KYAT1: variants seen among roughly 807,000 people sequenced by gnomAD.
KYAT1 encodes kynurenine--oxoglutarate transaminase 1.
KYAT1 carries 47 observed loss-of-function variants against 52.4 expected under a neutral mutation model. The observed-to-expected ratio is 0.90, with a 90% CI of 0.71 to 1.14. KYAT1 has a LOEUF of 1.14. KYAT1 is among the 50% of genes most tolerant of loss of function. The probability of loss-of-function intolerance (pLI) is 0.00; values close to 1 mark genes in which losing one functional copy is unlikely to be tolerated. For synonymous variants in KYAT1, 212 were observed against 209.6 expected, an observed-to-expected ratio of 1.01 and a Z score of -0.10; for missense variants, 480 against 557.9, an observed-to-expected ratio of 0.86 and a Z score of 1.41.
At chr9:128,840,772 CCTCAAACTCCTGGG>C in intron 3 of KYAT1, 1 of 332,928 alleles carries the variant, frequency 3.0e-6, no homozygotes, top group Non-Finnish European at 6.0e-6. Flanking sequence ...GTTGCACTGG[CCTCAAACTCCTGGG>C]CTCAAACAAT....
chr9:128,835,779 C>T lies in KYAT1; in HGVS notation c.855G>A (p.Gln285=), dbSNP rs764604643. Residue 285 remains glutamine (Q), a splice_region_variant and synonymous_variant, in exon 9 of 13, where the codon CAG becomes CAA. Coordinates refer to ENST00000302586, the MANE Select transcript of KYAT1 (RefSeq NM_004059.5). The part of the protein sequence containing the change: ...NSVFHCPTQS[Q]AAVAESFERE... ...CCCGTGACGTCCTGCCCCTCTTCAC[C>T]TGGCTCTGCGTGGGGCAGTGGAAGA... 6.2e-7 allele frequency: 1 copy of T among 1,612,374 alleles called. No individual in the cohort carries two copies. Among genetic ancestry groups the T allele is most frequent in the East Asian group, 2.2e-5 (1 of 44,826 alleles).
chr9:128,846,766 G>A, intron 1 of KYAT1: 4 of 1,535,602 alleles, frequency 2.6e-6, no homozygotes, highest in Non-Finnish European at 3.5e-6. Context: ...GGGCTTTGTG[G>A]TCCCTGAGGA....
chr9:128,845,278 G>A, intron 2 of KYAT1, 75 bp downstream of exon 2: 1 of 1,199,570 alleles, frequency 8.3e-7, no homozygotes, highest in East Asian at 2.3e-5. Context: ...GTACTACTGA[G>A]TTGCTGTAAA....
chr9:128,863,073 C>T lies in KYAT1; in HGVS notation c.-6-17662G>A, dbSNP rs575864115. On this transcript the variant is annotated intron_variant, in intron 1 of 12. Transcript: ENST00000302586. ...TGAACTCCTGACCTCATGATCCGCC[C>T]GCCTCGGCCTCCCAAAGTGCTGAGA... 5.9e-5 allele frequency among the ~76,000 whole-genome samples: 9 copies of T among 151,858 alleles called. No homozygotes were observed. The South Asian group carries it at 6.2e-4, about 11-fold the overall frequency.
intron 1 of KYAT1, among the ~76,000 whole-genome samples, chr9:128,861,621 T>C (rs1327632683): frequency 3.9e-5 from 6 of 152,166 alleles, no homozygotes; most frequent in Admixed American, 6.5e-5. Flanking sequence ...AGGCCTGAAG[T>C]ATGTACTCTG....
chr9:128,857,738 A>G (rs963149815), intron 1 of KYAT1, among the ~76,000 whole-genome samples: 2 of 152,228 alleles, frequency 1.3e-5, no homozygotes, highest in Non-Finnish European at 2.9e-5. Flanking sequence ...CTGGAGGCTG[A>G]GGCAGGAGAA....
chr9:128,875,017 G>T (rs1340562301), intron 1 of KYAT1, among the ~76,000 whole-genome samples: 1 of 151,982 alleles, frequency 6.6e-6, no homozygotes, highest in Non-Finnish European at 1.5e-5. Context: ...GAGCCACTGC[G>T]CTCAGCCCAG....
At chr9:128,871,634 C>T (rs1026637855) in intron 1 of KYAT1, among the ~76,000 whole-genome samples, 4 of 152,010 alleles carry the variant, frequency 2.6e-5, no homozygotes, top group African/African-American at 9.7e-5. Context: ...ATTGCTTGAG[C>T]CCAGGCAGTC....
intron 1 of KYAT1, among the ~76,000 whole-genome samples, chr9:128,864,100 C>A (rs1835843405): frequency 6.6e-6 from 1 of 152,096 alleles, no homozygotes; most frequent in Non-Finnish European, 1.5e-5. Flanking sequence ...CGGTGGCTCA[C>A]ACCTGTAATC....
rs779051783 is a variant in KYAT1 at position 128,837,671 on chromosome 9, G to A, written c.567+14C>T. 1.5e-5 allele frequency: 25 copies of A among 1,613,942 alleles called. No homozygotes were observed. The Admixed American group carries it at 3.8e-4, about 25-fold the overall frequency. On this transcript the variant is annotated intron_variant, in intron 6 of 12. Transcript: ENST00000302586. The stretch of plus-strand genomic sequence containing the variant: ...AGGTCCGCAGGGGGCCAGGGAAGGA[G>A]GTCCCTCCAGTACCTTGCCCAGGGG...
chr9:128,843,450 C>G (rs1832567883), intron 2 of KYAT1, among the ~76,000 whole-genome samples: 1 of 150,780 alleles, frequency 6.6e-6, no homozygotes, highest in Non-Finnish European at 1.5e-5. Flanking sequence ...GCAATCTCAA[C>G]TCACTGCAAC....
intron 1 of KYAT1, among the ~76,000 whole-genome samples, chr9:128,849,217 G>A (rs1226028584): frequency 6.6e-6 from 1 of 151,004 alleles, no homozygotes; most frequent in Non-Finnish European, 1.5e-5. Context: ...TTCGATACCA[G>A]CCTGGTCAAC....
chr9:128,835,960 T>G, intron 8 of KYAT1, 37 bp downstream of exon 8: 1 of 1,603,654 alleles, frequency 6.2e-7, no homozygotes, highest in Non-Finnish European at 8.5e-7. Flanking sequence ...CCAAGGATCT[T>G]GCAGGGGGTG....
In KYAT1 at chr9:128,837,674, C is replaced by G. The variant is rs1323309354; in HGVS notation, c.567+11G>C. On this transcript the variant is annotated intron_variant, in intron 6 of 12. Transcript: ENST00000302586. ...TCCGCAGGGGGCCAGGGAAGGAGGT[C>G]CCTCCAGTACCTTGCCCAGGGGGTT... 2.5e-6 allele frequency: 4 copies of G among 1,613,878 alleles called. No individual in the cohort carries two copies. The highest frequency in any genetic ancestry group is 2.5e-6 in the Non-Finnish European group (3 of 1,179,926).
chr9:128,846,467 C>T (rs1435220669), intron 1 of KYAT1, among the ~76,000 whole-genome samples: 1 of 151,832 alleles, frequency 6.6e-6, no homozygotes, highest in African/African-American at 2.4e-5. Context: ...GGCGTCATGA[C>T]ACATGCCTGT....
chr9:128,851,684 T>C (rs1833972739), intron 1 of KYAT1, among the ~76,000 whole-genome samples: 1 of 152,210 alleles, frequency 6.6e-6, no homozygotes. Context: ...TTTCAGTTTC[T>C]GATGCCCCTG....
rs147177988 is a variant in KYAT1, at chr9:128,874,872, G to A, written c.-7+7025C>T. Among the ~76,000 whole-genome samples, 145 of 151,796 alleles carry A rather than the reference G, an allele frequency of 9.6e-4. 1 individual carries two copies. Among genetic ancestry groups the A allele is most frequent in the Middle Eastern group, 6.8e-3 (2 of 294 alleles). On this transcript the variant is annotated intron_variant, in intron 1 of 12. Transcript: ENST00000302586. ...CCTGAGTAGCTGGGATTACAGGCAC[G>A]CACCACCATGCCCGACTTATTTTTG...
intron 1 of KYAT1, among the ~76,000 whole-genome samples, chr9:128,862,828 G>A (rs186018511): frequency 2.0e-5 from 3 of 152,154 alleles, no homozygotes; most frequent in Non-Finnish European, 2.9e-5. Context: ...TGGTTTGTTT[G>A]TTTTTTGACA....
intron 1 of KYAT1, among the ~76,000 whole-genome samples, chr9:128,855,939 T>C (rs1834533891): frequency 6.6e-6 from 1 of 152,230 alleles, no homozygotes. Flanking sequence ...ATTGTGGAAT[T>C]CTCAGACTCA....
Sources: allele counts gnomAD v4.1 joint callset (sites outside exome capture counted in the v4.1 genomes callset), GRCh38; gene constraint gnomAD v4.1.1; transcripts MANE v1.5; gene names NCBI Gene and HGNC (gene_info 2026-07-23, HGNC 2026-07-21).